Variants in SLC25A26 observed in about 807,000 individuals in gnomAD.
SLC25A26 encodes solute carrier family 25 member 26.
A neutral mutation model predicts 37.8 loss-of-function variants in SLC25A26; 36 were observed. That is an observed-to-expected ratio of 0.95 (90% CI 0.73 to 1.26). The LOEUF is 1.26. SLC25A26 is among the 50% of genes most tolerant of loss of function. The pLI is 0.00. For synonymous variants in SLC25A26, 129 were observed against 122.5 expected, an observed-to-expected ratio of 1.05 and a Z score of -0.35; for missense variants, 390 against 331.1, an observed-to-expected ratio of 1.18 and a Z score of -1.38.
intron 1 of SLC25A26, among the ~76,000 whole-genome samples, chr3:66,168,651 TGAA>T (rs2070457078): frequency 6.6e-6 from 1 of 152,302 alleles, no homozygotes; most frequent in African/African-American, 2.4e-5. Context: ...TTAGAGATGT[TGAA>T]GATTTACTGC....
chr3:66,277,902 A>G (rs560697743), intron 5 of SLC25A26, among the ~76,000 whole-genome samples: 13 of 152,272 alleles, frequency 8.5e-5, no homozygotes, highest in Admixed American at 7.9e-4. Context: ...ACCGAGATTG[A>G]GAGACATTGT....
intron 1 of SLC25A26, among the ~76,000 whole-genome samples, chr3:66,222,578 T>G (rs2071552349): frequency 6.6e-6 from 1 of 152,204 alleles, no homozygotes; most frequent in Non-Finnish European, 1.5e-5. Context: ...GGGTAAGCTC[T>G]TTACATACAT....
intron 5 of SLC25A26, among the ~76,000 whole-genome samples, chr3:66,300,717 A>G (rs1321970375): frequency 6.6e-6 from 1 of 152,150 alleles, no homozygotes; most frequent in African/African-American, 2.4e-5. Context: ...ATAATTTTCT[A>G]GAAAGAAGGA....
chr3:66,299,688 G>A (rs2075015264), intron 5 of SLC25A26, among the ~76,000 whole-genome samples: 1 of 152,158 alleles, frequency 6.6e-6, no homozygotes, highest in African/African-American at 2.4e-5. Context: ...TAGAGTAACA[G>A]TTAAATGTCT....
intron 3 of SLC25A26, among the ~76,000 whole-genome samples, chr3:66,245,503 C>T (rs1438495487): frequency 6.6e-6 from 1 of 152,096 alleles, no homozygotes; most frequent in South Asian, 2.1e-4. Flanking sequence ...AGATAAAGGT[C>T]TTAAGTTTGT....
At chr3:66,158,668 T>C (rs1436116399) in intron 1 of SLC25A26, among the ~76,000 whole-genome samples, 5 of 152,168 alleles carry the variant, frequency 3.3e-5, no homozygotes, top group Admixed American at 6.5e-5. Flanking sequence ...ATTGAGTTCA[T>C]AGATTGTTAT....
chr3:66,152,192 A>C (rs1261329483), intron 1 of SLC25A26, among the ~76,000 whole-genome samples: 1 of 152,146 alleles, frequency 6.6e-6, no homozygotes, highest in East Asian at 1.9e-4. Flanking sequence ...GATTCAGTAG[A>C]TCTGGAGAGG....
chr3:66,238,726 A>G (rs2072420726), intron 2 of SLC25A26, among the ~76,000 whole-genome samples: 1 of 152,170 alleles, frequency 6.6e-6, no homozygotes, highest in African/African-American at 2.4e-5. Flanking sequence ...TAAGAAAATC[A>G]TAAGGAAGAG....
chr3:66,283,824 G>T (rs2074422732), intron 5 of SLC25A26, among the ~76,000 whole-genome samples: 1 of 152,132 alleles, frequency 6.6e-6, no homozygotes, highest in Non-Finnish European at 1.5e-5. Flanking sequence ...CTTTCTATAA[G>T]ACTCTAAGTT....
chr3:66,348,776 C>G (rs1047829830), intron 6 of SLC25A26, among the ~76,000 whole-genome samples: 1 of 152,078 alleles, frequency 6.6e-6, no homozygotes, highest in African/African-American at 2.4e-5. Flanking sequence ...AGTTTTTTGG[C>G]TCTTTTGTTG....
At chr3:66,261,900 G>C (rs2073542438) in intron 3 of SLC25A26, 151 bp from the exon 4 acceptor site, 3 of 590,024 alleles carry the variant, frequency 5.1e-6, no homozygotes, top group Non-Finnish European at 6.0e-6. Context: ...GGGTCCAAGA[G>C]TTTTAGGTTA....
chr3:66,319,833 A>G (rs1477166890), intron 5 of SLC25A26, among the ~76,000 whole-genome samples: 2 of 131,350 alleles, frequency 1.5e-5, no homozygotes, highest in Non-Finnish European at 1.5e-5. Flanking sequence ...CGCTCACCGC[A>G]ACCTCTACTT....
intron 5 of SLC25A26, among the ~76,000 whole-genome samples, chr3:66,266,597 T>TTA (rs57414222): frequency 1.1e-4 from 17 of 148,786 alleles, no homozygotes; most frequent in African/African-American, 4.3e-4. Context: ...TTTTTTTTTT[T>TTA]ACTGCATTTG....
At chr3:66,309,532 C>A (rs749321809) in intron 5 of SLC25A26, among the ~76,000 whole-genome samples, 4 of 151,762 alleles carry the variant, frequency 2.6e-5, no homozygotes, top group Non-Finnish European at 2.9e-5. Flanking sequence ...TTAATTATTT[C>A]TTGTCTTCTG....
At chr3:66,376,776 G>C (rs1446534353) in intron 9 of SLC25A26, among the ~76,000 whole-genome samples, 1 of 152,174 alleles carries the variant, frequency 6.6e-6, no homozygotes, top group Non-Finnish European at 1.5e-5. Flanking sequence ...CAAAGGTTAT[G>C]GAAGCGTGGG....
chr3:66,178,207 CAGATGGCCCAACAGTTCT>C (rs540642581), intron 1 of SLC25A26, among the ~76,000 whole-genome samples: 1,566 of 152,290 alleles, frequency 0.01, 34 homozygotes, highest in African/African-American at 0.036. Flanking sequence ...AGGCCAGGTT[CAGATGGCCCAACAGTTCT>C]AGGTGGGTGA....
chr3:66,236,017 T>C (rs920805343), intron 1 of SLC25A26, among the ~76,000 whole-genome samples: 4 of 152,190 alleles, frequency 2.6e-5, no homozygotes, highest in African/African-American at 7.2e-5. Flanking sequence ...GCTCAAGTTA[T>C]CCTTGTTCCT....
chr3:66,296,409 T>C (rs541418097), intron 5 of SLC25A26, among the ~76,000 whole-genome samples: 57 of 152,224 alleles, frequency 3.7e-4, no homozygotes, highest in Non-Finnish European at 6.8e-4. Context: ...TTTCCTGATA[T>C]ACATGCATTT....
At chr3:66,339,271 T>G (rs1447430695) in intron 5 of SLC25A26, among the ~76,000 whole-genome samples, 3 of 152,078 alleles carry the variant, frequency 2.0e-5, no homozygotes, top group African/African-American at 7.2e-5. Flanking sequence ...AAATCAAGCT[T>G]TCTTTTTATT....
Sources: allele counts gnomAD v4.1 joint callset (sites outside exome capture counted in the v4.1 genomes callset), GRCh38; gene constraint gnomAD v4.1.1; transcripts MANE v1.5; gene names NCBI Gene and HGNC (gene_info 2026-07-23, HGNC 2026-07-21).